SH3GL3: variants seen among roughly 807,000 people sequenced by gnomAD.
SH3GL3 encodes SH3 domain containing GRB2 like 3, endophilin A3, also known as endophilin-A3.
In SH3GL3, 33 loss-of-function variants were observed where a neutral mutation model predicts 47.7. The ratio of observed to expected loss-of-function variants is 0.69; its 90% CI spans 0.52 to 0.92. SH3GL3 has a LOEUF of 0.92. Ranked by LOEUF, SH3GL3 falls within the 40% of genes least tolerant of loss-of-function variation. SH3GL3 has a pLI of 0.00. For missense variants in SH3GL3, 363 were observed against 417.8 expected (o/e 0.87, Z 1.14); for synonymous variants, 155 against 148.8 (o/e 1.04, Z -0.30).
At chr15:83,535,225 C>T (rs892243325) in intron 1 of SH3GL3, among the ~76,000 whole-genome samples, 1 of 151,432 alleles carries the variant, frequency 6.6e-6, no homozygotes, top group African/African-American at 2.4e-5. Flanking sequence ...AGTCTTTAGA[C>T]CTATATTTAT....
chr15:83,539,826 A>T (rs1489334394), intron 1 of SH3GL3, among the ~76,000 whole-genome samples: 1 of 152,148 alleles, frequency 6.6e-6, no homozygotes, highest in Non-Finnish European at 1.5e-5. Context: ...AGATTCTAAA[A>T]TCTTTAAATT....
intron 8 of SH3GL3, among the ~76,000 whole-genome samples, chr15:83,615,722 T>A (rs1179657691): frequency 2.0e-5 from 3 of 152,180 alleles, no homozygotes; most frequent in Admixed American, 2.0e-4. Flanking sequence ...AGTCCCATGA[T>A]GATTAAATAT....
chr15:83,574,986 T>C (rs1223778676), intron 5 of SH3GL3, among the ~76,000 whole-genome samples: 1 of 152,170 alleles, frequency 6.6e-6, no homozygotes, highest in East Asian at 1.9e-4. Context: ...TCGGGGTGAG[T>C]GATCGTGGTT....
At chr15:83,538,573 T>C (rs72760340) in intron 1 of SH3GL3, among the ~76,000 whole-genome samples, 5,964 of 152,292 alleles carry the variant, frequency 0.039, 148 homozygotes, top group Non-Finnish European at 0.06. Flanking sequence ...TTTTTGAATA[T>C]TGTATGAATG....
intron 8 of SH3GL3, among the ~76,000 whole-genome samples, chr15:83,599,262 T>G (rs1219975854): frequency 6.6e-6 from 1 of 152,202 alleles, no homozygotes; most frequent in African/African-American, 2.4e-5. Context: ...GTAAGCTGTT[T>G]AGTGGTGATA....
At chr15:83,585,455 A>G (rs2059930324) in intron 6 of SH3GL3, among the ~76,000 whole-genome samples, 1 of 152,192 alleles carries the variant, frequency 6.6e-6, no homozygotes, top group Non-Finnish European at 1.5e-5. Flanking sequence ...TAAAGTGGGT[A>G]ATAAGACAGG....
chr15:83,549,761 A>G (rs1375824455), intron 1 of SH3GL3, among the ~76,000 whole-genome samples: 2 of 152,144 alleles, frequency 1.3e-5, no homozygotes, highest in Admixed American at 1.3e-4. Context: ...TTGGCCTCTT[A>G]TATCCTGGTT....
intron 1 of SH3GL3, among the ~76,000 whole-genome samples, chr15:83,483,522 A>C (rs939207319): frequency 6.6e-6 from 1 of 152,188 alleles, no homozygotes; most frequent in Non-Finnish European, 1.5e-5. Flanking sequence ...CATCATGAGG[A>C]CGGCTTCCTG....
At chr15:83,613,814 G>A (rs2060740032) in intron 8 of SH3GL3, among the ~76,000 whole-genome samples, 1 of 152,160 alleles carries the variant, frequency 6.6e-6, no homozygotes, top group Non-Finnish European at 1.5e-5. Context: ...GGCTCAGCCA[G>A]TAGCCCTGGG....
intron 5 of SH3GL3, among the ~76,000 whole-genome samples, chr15:83,576,323 C>A (rs2059676127): frequency 6.6e-6 from 1 of 152,146 alleles, no homozygotes; most frequent in Non-Finnish European, 1.5e-5. Flanking sequence ...GCTACTGCAT[C>A]ATTACATTCC....
chr15:83,574,611 T>C (rs559618173), intron 5 of SH3GL3, among the ~76,000 whole-genome samples: 16 of 152,258 alleles, frequency 1.1e-4, no homozygotes, highest in South Asian at 2.1e-4. Flanking sequence ...GGGCACCCTT[T>C]CTGAGCTGCA....
chr15:83,534,268 A>T (rs2043809257), intron 1 of SH3GL3, among the ~76,000 whole-genome samples: 2 of 152,126 alleles, frequency 1.3e-5, no homozygotes, highest in South Asian at 4.1e-4. Flanking sequence ...GGCCTCCAAA[A>T]CTGTGAGCTA....
chr15:83,633,051 T>A, the SH3GL3 span, among the ~76,000 whole-genome samples: 1 of 152,072 alleles, frequency 6.6e-6, no homozygotes, highest in East Asian at 1.9e-4. Flanking sequence ...CCATACCAAG[T>A]ATTGGATAGG....
At chr15:83,508,874 G>T (rs1012771633) in intron 1 of SH3GL3, among the ~76,000 whole-genome samples, 1 of 152,164 alleles carries the variant, frequency 6.6e-6, no homozygotes, top group African/African-American at 2.4e-5. Flanking sequence ...GATTACAGGC[G>T]TGAGCCACTG....
At chr15:83,548,895 T>C (rs1229513712) in intron 1 of SH3GL3, among the ~76,000 whole-genome samples, 2 of 152,168 alleles carry the variant, frequency 1.3e-5, no homozygotes, top group Non-Finnish European at 2.9e-5. Flanking sequence ...AACTCTAAAA[T>C]ACACTTGTGT....
intron 1 of SH3GL3, among the ~76,000 whole-genome samples, chr15:83,552,345 A>G (rs1014992341): frequency 6.6e-6 from 1 of 152,200 alleles, no homozygotes; most frequent in African/African-American, 2.4e-5. Flanking sequence ...TTGATGTATA[A>G]TATTTTTATT....
intron 6 of SH3GL3, among the ~76,000 whole-genome samples, chr15:83,586,403 C>T (rs1248410737): frequency 1.3e-5 from 2 of 152,132 alleles, no homozygotes; most frequent in Admixed American, 1.3e-4. Context: ...TAGTTCATTC[C>T]CTTTAGCTCT....
rs71156081 is a variant in SH3GL3, at chr15:83,448,442, A to ATGTGTGTGTGTGTGTGTGTGTG, written c.45+882_45+903dup. 6.2e-4 allele frequency among the ~76,000 whole-genome samples: 87 copies of ATGTGTGTGTGTGTGTGTGTGTG among 140,732 alleles called. 3 individuals are homozygous for ATGTGTGTGTGTGTGTGTGTGTG. Among genetic ancestry groups the ATGTGTGTGTGTGTGTGTGTGTG allele is most frequent in the African/African-American group, 2.1e-3 (75 of 36,400 alleles). 92.3% of individuals were successfully genotyped at this position (140,732 alleles called of 152,430 possible). A position where few individuals can be genotyped will look rare whatever the true frequency, so the allele number is the denominator to read the frequency against. ...AAACAGGAGGGGAGACATGAAATTG[A>ATGTGTGTGTGTGTGTGTGTGTG]TGTGTGTGTGTGTGTGTGTGTGTGT... On this transcript the variant is annotated intron_variant, in intron 1 of 8. Transcript: ENST00000427482. The surrounding 1 kb of genome is among the most constrained non-coding windows in gnomAD (Gnocchi z 4.2).
At chr15:83,475,287 C>T (rs1337586388) in intron 1 of SH3GL3, among the ~76,000 whole-genome samples, 5 of 151,850 alleles carry the variant, frequency 3.3e-5, no homozygotes, top group East Asian at 3.9e-4. Context: ...AGACCAGCTT[C>T]GCCAACATAG....
Sources: gnomAD v4.1 joint callset for allele counts (sites outside exome capture counted in the v4.1 genomes callset) on GRCh38, gnomAD v4.1.1 for gene constraint, Gnocchi (gnomAD v3.1) non-coding constraint, MANE v1.5 for transcripts, NCBI Gene and HGNC (gene_info 2026-07-23, HGNC 2026-07-21) for gene names.